GRIK2: variants seen among roughly 807,000 people sequenced by gnomAD.
GRIK2 encodes the protein glutamate ionotropic receptor kainate type subunit 2, also known as glutamate receptor ionotropic, kainate 2.
GRIK2 carries 32 observed loss-of-function variants against 100.3 expected under a neutral mutation model. The ratio of observed to expected loss-of-function variants is 0.32; its 90% CI spans 0.24 to 0.43. The LOEUF (loss-of-function observed/expected upper bound fraction) is 0.43. GRIK2 is among the 20% of genes least tolerant of loss of function. GRIK2 has a pLI of 1.00. For synonymous variants in GRIK2, 417 were observed against 389.4 expected, an observed-to-expected ratio of 1.07 and a Z score of -0.83; for missense variants, 843 against 1,114.9, an observed-to-expected ratio of 0.76 and a Z score of 3.47.
chr6:102,054,931 C>T (rs1771391694), intron 15 of GRIK2, among the ~76,000 whole-genome samples: 1 of 152,254 alleles, frequency 6.6e-6, no homozygotes, highest in East Asian at 1.9e-4. Context: ...TTTTTCACAA[C>T]TTTTCTGGTC....
chr6:101,592,988 G>A (rs948850618), intron 2 of GRIK2, among the ~76,000 whole-genome samples: 2 of 151,864 alleles, frequency 1.3e-5, no homozygotes, highest in African/African-American at 4.8e-5. Flanking sequence ...TAATGATATA[G>A]GCAATTGTTG....
At chr6:101,497,827 A>G (rs2128271580) in intron 2 of GRIK2, among the ~76,000 whole-genome samples, 1 of 152,074 alleles carries the variant, frequency 6.6e-6, no homozygotes, top group East Asian at 1.9e-4. Flanking sequence ...GAATATTCCA[A>G]ATTAATGTTA....
chr6:101,975,882 TTAATC>T (rs1473030992), intron 14 of GRIK2, among the ~76,000 whole-genome samples: 2 of 151,796 alleles, frequency 1.3e-5, no homozygotes, highest in African/African-American at 4.8e-5. Flanking sequence ...TGTCATCTAT[TTAATC>T]TATTTTTCTT....
chr6:101,703,833 TAA>T (rs562457660), intron 7 of GRIK2, among the ~76,000 whole-genome samples: 1 of 142,318 alleles, frequency 7.0e-6, no homozygotes, highest in African/African-American at 2.6e-5. Flanking sequence ...TATTGCATTA[TAA>T]AAAAAAAAAG....
At chr6:102,014,741 G>A (rs1041657446) in intron 14 of GRIK2, among the ~76,000 whole-genome samples, 2 of 152,078 alleles carry the variant, frequency 1.3e-5, no homozygotes, top group Non-Finnish European at 2.9e-5. Flanking sequence ...TAATTGTATG[G>A]TTTTGAGCAA....
chr6:101,552,470 G>C (rs549680219), intron 2 of GRIK2, among the ~76,000 whole-genome samples: 1 of 152,186 alleles, frequency 6.6e-6, no homozygotes, highest in Admixed American at 6.5e-5. Context: ...ATCCCAGGGA[G>C]CCCCTCCTAA....
At chr6:101,707,715 G>T (rs994184777) in intron 7 of GRIK2, among the ~76,000 whole-genome samples, 65 of 150,306 alleles carry the variant, frequency 4.3e-4, no homozygotes, top group Non-Finnish European at 7.6e-4. Flanking sequence ...CTCTGGAAAG[G>T]TGCTCAACTT....
Position 101,979,190 on chromosome 6 carries a change from A to G in GRIK2, c.2085+50558A>G, listed in dbSNP as rs372320637. Among the ~76,000 whole-genome samples the G allele has an allele frequency of 2.4e-4, 36 of 152,112 alleles. 2 individuals carry two copies. In the South Asian group the frequency reaches 7.3e-3, roughly 31 times the overall value. The stretch of plus-strand genomic sequence containing the variant: ...ACTGAAAGATTGTTGGAAAAATAGG[A>G]AGTAGTAGTCAGAGAGTGGACTACA... On this transcript the variant is annotated intron_variant, in intron 14 of 16. Coordinates refer to ENST00000369134, the MANE Select transcript of GRIK2 (RefSeq NM_021956.5).
intron 11 of GRIK2, among the ~76,000 whole-genome samples, chr6:101,889,334 T>C (rs1473221805): frequency 1.3e-5 from 2 of 151,906 alleles, no homozygotes; most frequent in African/African-American, 4.8e-5. Context: ...GCATAATTCA[T>C]GTACTGAGTG....
intron 4 of GRIK2, among the ~76,000 whole-genome samples, chr6:101,641,442 A>G (rs1429784350): frequency 6.6e-6 from 1 of 152,018 alleles, no homozygotes; most frequent in African/African-American, 2.4e-5. Flanking sequence ...ATGAAAAATG[A>G]CAAGCTGTAA....
chr6:101,755,268 G>A (rs1367586139), intron 7 of GRIK2, among the ~76,000 whole-genome samples: 2 of 138,826 alleles, frequency 1.4e-5, no homozygotes, highest in Non-Finnish European at 3.0e-5. Context: ...CCGGGTTCAC[G>A]CCATTCTCCT....
chr6:101,541,435 C>T (rs1412749695), intron 2 of GRIK2, among the ~76,000 whole-genome samples: 10 of 108,948 alleles, frequency 9.2e-5, no homozygotes, highest in Non-Finnish European at 1.9e-4. Context: ...CACACTACAC[C>T]CTTATACAAA....
At chr6:101,956,820 A>G (rs1196534734) in intron 14 of GRIK2, among the ~76,000 whole-genome samples, 1 of 147,268 alleles carries the variant, frequency 6.8e-6, no homozygotes, top group African/African-American at 2.4e-5. Context: ...AATTATACAT[A>G]TCTATAAGAA....
At chr6:101,497,347 G>A (rs891595395) in intron 2 of GRIK2, among the ~76,000 whole-genome samples, 5 of 152,034 alleles carry the variant, frequency 3.3e-5, no homozygotes, top group South Asian at 4.1e-4. Context: ...TGTTTAATAC[G>A]TGCCATAGTA....
intron 14 of GRIK2, among the ~76,000 whole-genome samples, chr6:101,967,774 C>T (rs1020419035): frequency 2.0e-5 from 3 of 152,018 alleles, no homozygotes; most frequent in Non-Finnish European, 4.4e-5. Flanking sequence ...AACCCAATAA[C>T]GAATAGAGTT....
At chr6:101,884,336 AAAC>A (rs1786468773) in intron 11 of GRIK2, among the ~76,000 whole-genome samples, 2 of 152,172 alleles carry the variant, frequency 1.3e-5, no homozygotes, top group African/African-American at 4.8e-5. Flanking sequence ...ATGGAAAAGA[AAAC>A]AACGTTTAGA....
chr6:101,676,801 A>G lies in GRIK2; in HGVS notation c.720A>G (p.Lys240=). The change falls in exon 5 of 17, where the codon AAA becomes AAG. Residue 240 remains lysine, a synonymous_variant. Transcript: ENST00000369134. ...CSHEMAAGIL[K]QALAMGMMTE... ...ATGAAATGGCAGCAGGCATTTTAAA[A>G]CAGGTAACCTTTAAATTACTTCAAT... 6.3e-7 allele frequency: 1 copy of G among 1,576,900 alleles called. No homozygotes were observed. The highest frequency in any genetic ancestry group is 8.7e-7 in the Non-Finnish European group (1 of 1,154,360).
At chr6:101,537,525 G>A (rs182237086) in intron 2 of GRIK2, among the ~76,000 whole-genome samples, 19 of 151,172 alleles carry the variant, frequency 1.3e-4, no homozygotes, top group Admixed American at 1.1e-3. Context: ...AGAGGCTAAA[G>A]CAATGGCTTT....
At chr6:101,660,930 C>T (rs1009278182) in intron 4 of GRIK2, among the ~76,000 whole-genome samples, 1 of 152,100 alleles carries the variant, frequency 6.6e-6, no homozygotes, top group Non-Finnish European at 1.5e-5. Flanking sequence ...TGGGAGGTGT[C>T]TCCCAGTCAG....
Sources: gnomAD v4.1 joint callset for allele counts (sites outside exome capture counted in the v4.1 genomes callset) on GRCh38, gnomAD v4.1.1 for gene constraint, MANE v1.5 for transcripts, NCBI Gene and HGNC (gene_info 2026-07-23, HGNC 2026-07-21) for gene names.